The following NBPF9 variants were observed in gnomAD, a reference collection of about 807,000 sequenced individuals.
NBPF9 encodes the protein NBPF family member NBPF9.
A neutral mutation model predicts 97.8 loss-of-function variants in NBPF9; 91 were observed. That is an observed-to-expected ratio of 0.93 (90% CI 0.79 to 1.11). NBPF9 has a LOEUF of 1.11. Among genes scored for constraint, NBPF9 ranks in the 50% least tolerant of loss-of-function variants. The probability of loss-of-function intolerance (pLI) is 0.00; values close to 1 mark genes in which losing one functional copy is unlikely to be tolerated. For synonymous variants in NBPF9, 334 were observed against 359.5 expected (o/e 0.93, Z 0.80); for missense variants, 992 against 939.5 (o/e 1.06, Z -0.73).
chr1:149,100,936 A>G, intron 3 of NBPF9, among the ~76,000 whole-genome samples: 1 of 152,236 alleles, frequency 6.6e-6, no homozygotes, highest in Admixed American at 6.5e-5. Flanking sequence ...CCTGTCTGAA[A>G]AAAAAAAAAA....
chr1:149,073,846 A>T (rs1298811721), exon 13 of NBPF9: 1 of 1,489,758 alleles, frequency 6.7e-7, no homozygotes, highest in African/African-American at 1.4e-5. Context: ...CATAAATTTT[A>T]TGAGGTCTTT....
chr1:149,083,087 C>T lies in NBPF9; in HGVS notation c.-194-657G>A, dbSNP rs1306826838. Among the ~76,000 whole-genome samples the T allele has an allele frequency of 4.7e-5, 7 of 149,012 alleles. No homozygotes were observed. In the South Asian group the frequency reaches 6.4e-4, roughly 14 times the overall value. Reference sequence around the variant, plus strand: ...CCTCCCAAAGTGCTGGGATTACAGGCGTGAGCCACCGCGCCCGGCCGACTT... The same window carrying T: ...CCTCCCAAAGTGCTGGGATTACAGGTGTGAGCCACCGCGCCCGGCCGACTT... On this transcript the variant is annotated intron_variant, in intron 5 of 29. Transcript: ENST00000584027.
At chr1:149,063,583 T>C (rs1559520421) in intron 20 of NBPF9, 50 bp downstream of exon 20, 2 of 613,954 alleles carry the variant, frequency 3.3e-6, no homozygotes, top group Non-Finnish European at 5.7e-6. Context: ...AATATGACCC[T>C]AACCAGAAGA....
At chr1:149,085,130 C>T (rs1419419967) in intron 5 of NBPF9, among the ~76,000 whole-genome samples, 2 of 152,038 alleles carry the variant, frequency 1.3e-5, no homozygotes, top group Non-Finnish European at 2.9e-5. Flanking sequence ...TTATTGCTGC[C>T]AAAACCACAT....
intron 5 of NBPF9, among the ~76,000 whole-genome samples, chr1:149,085,361 C>T (rs1287427483): frequency 6.6e-6 from 1 of 152,160 alleles, no homozygotes; most frequent in Non-Finnish European, 1.5e-5. Flanking sequence ...TTTAAAATTA[C>T]TGTAGCTTTA....
chr1:149,055,797 T>A (rs782181715), exon 30 of NBPF9: 35 of 1,611,096 alleles, frequency 2.2e-5, no homozygotes, highest in Middle Eastern at 2.2e-4. Flanking sequence ...AGTGCTGGAA[T>A]GAGTCAGGTA....
chr1:149,077,800 A>G (rs2080028988), intron 10 of NBPF9, 83 bp downstream of exon 10: 1 of 1,579,174 alleles, frequency 6.3e-7, no homozygotes, highest in East Asian at 2.2e-5. Flanking sequence ...CTTTTGGCCC[A>G]CCATAGATGC....
intron 4 of NBPF9, among the ~76,000 whole-genome samples, chr1:149,093,067 C>T (rs587612637): frequency 1.3e-5 from 2 of 151,898 alleles, no homozygotes; most frequent in Admixed American, 6.6e-5. Flanking sequence ...TGATCATTAT[C>T]GGGCATTTCT....
At chr1:149,059,664 A>T (rs2078474426) in intron 25 of NBPF9, 36 bp downstream of exon 25, 1 of 561,560 alleles carries the variant, frequency 1.8e-6, no homozygotes, top group Non-Finnish European at 3.3e-6. Flanking sequence ...CCAGGTGTTA[A>T]CACAGAACTA....
At chr1:149,073,637 G>T in intron 13 of NBPF9, 131 bp downstream of exon 13, 1 of 738,086 alleles carries the variant, frequency 1.4e-6, no homozygotes, top group Non-Finnish European at 2.4e-6. Flanking sequence ...ATATTTGTGT[G>T]TAGCGAGCCT....
intron 3 of NBPF9, among the ~76,000 whole-genome samples, chr1:149,101,009 T>A (rs1386163805): frequency 2.6e-5 from 4 of 151,120 alleles, no homozygotes; most frequent in Non-Finnish European, 4.4e-5. Flanking sequence ...TTCATACTCC[T>A]AGGTTAGGCA....
chr1:149,084,427 A>G (rs1455605917), intron 5 of NBPF9, among the ~76,000 whole-genome samples: 1 of 145,774 alleles, frequency 6.9e-6, no homozygotes, highest in African/African-American at 2.6e-5. Context: ...GTGTATATAT[A>G]TTATATATAT....
chr1:149,059,491 G>C lies in NBPF9; in HGVS notation c.2585+209C>G, dbSNP rs2078462816. 4 of 399,092 alleles carry C rather than the reference G, an allele frequency of 1.0e-5. No individual in the cohort carries two copies. The Admixed American group carries it at 1.7e-4, about 17-fold the overall frequency. 24.7% of individuals were successfully genotyped at this position (399,092 alleles called of 1,614,324 possible). A position where few individuals can be genotyped will look rare whatever the true frequency, so the allele number is the denominator to read the frequency against. On this transcript the variant is annotated intron_variant, in intron 25 of 29. Transcript: ENST00000584027. ...TGGCCATGAAAGTACAGCTTTTGAAGTATGGTCAACCTATGGTACGTTAGG... is the reference window on the plus strand; with the variant it reads ...TGGCCATGAAAGTACAGCTTTTGAACTATGGTCAACCTATGGTACGTTAGG...
intron 5 of NBPF9, among the ~76,000 whole-genome samples, chr1:149,087,320 T>TAC (rs1214116525): frequency 6.8e-6 from 1 of 146,550 alleles, no homozygotes; most frequent in African/African-American, 2.5e-5. Context: ...AAACGGTGAA[T>TAC]ATATATATAT....
chr1:149,094,227 A>T lies in NBPF9; in HGVS notation c.-336-3333T>A, dbSNP rs1230616702. Among the ~76,000 whole-genome samples, 206 of 144,866 alleles carry T rather than the reference A, an allele frequency of 1.4e-3. 1 individual carries two copies. The highest frequency in any genetic ancestry group is 4.7e-3 in the African/African-American group (183 of 38,604). On this transcript the variant is annotated intron_variant, in intron 4 of 29. Transcript: ENST00000584027. ...CATCTCAATTTTAATAGCAGATTTT[A>T]AAAAATTCCTTTTCTTGTGCTCACC...
intron 26 of NBPF9, 93 bp downstream of exon 26, chr1:149,058,832 C>A (rs1264821809): frequency 4.2e-6 from 3 of 713,670 alleles, no homozygotes; most frequent in Non-Finnish European, 7.7e-6. Flanking sequence ...GCAATGACAT[C>A]TCTCAGGTCA....
chr1:149,094,944 T>G (rs1167931534), intron 4 of NBPF9, among the ~76,000 whole-genome samples: 1 of 147,652 alleles, frequency 6.8e-6, no homozygotes, highest in Non-Finnish European at 1.5e-5. Flanking sequence ...TAAAAACACC[T>G]TGAAGACCAG....
At chr1:149,063,009 C>T in intron 20 of NBPF9, 96 bp from the exon 21 acceptor site, 1 of 598,054 alleles carries the variant, frequency 1.7e-6, no homozygotes, top group South Asian at 2.0e-5. Context: ...CTTCAGGCTC[C>T]TCAGCATGAG....
intron 15 of NBPF9, 79 bp from the exon 16 acceptor site, chr1:149,071,218 G>C (rs1344319111): frequency 1.7e-6 from 2 of 1,153,938 alleles, no homozygotes; most frequent in South Asian, 1.3e-5. Context: ...AGCTGGTTTT[G>C]ACAGGCGGCA....
Sources: gnomAD v4.1 joint callset for allele counts (sites outside exome capture counted in the v4.1 genomes callset) on GRCh38, gnomAD v4.1.1 for gene constraint, MANE v1.5 for transcripts, NCBI Gene and HGNC (gene_info 2026-07-23, HGNC 2026-07-21) for gene names.